HS6ST3: variants seen among roughly 807,000 people sequenced by gnomAD.
HS6ST3 encodes the protein heparan-sulfate 6-O-sulfotransferase 3.
A neutral mutation model predicts 36.7 loss-of-function variants in HS6ST3; 12 were observed. That is an observed-to-expected ratio of 0.33 (90% CI 0.21 to 0.53). The LOEUF is 0.53. Among genes scored for constraint, HS6ST3 ranks in the 20% least tolerant of loss-of-function variants. The pLI, the probability that HS6ST3 is intolerant of heterozygous loss-of-function variation, is 0.95. For synonymous variants in HS6ST3, 240 were observed against 257.5 expected, an observed-to-expected ratio of 0.93 and a Z score of 0.65; for missense variants, 584 against 640.9, an observed-to-expected ratio of 0.91 and a Z score of 0.96.
At chr13:96,712,351 G>C (rs944640688) in intron 1 of HS6ST3, among the ~76,000 whole-genome samples, 26 of 152,112 alleles carry the variant, frequency 1.7e-4, no homozygotes, top group Admixed American at 6.5e-5. Flanking sequence ...TAAGAATTTG[G>C]AATACCGGTA....
At chr13:96,317,820 A>G (rs1180640888) in intron 1 of HS6ST3, among the ~76,000 whole-genome samples, 3 of 151,854 alleles carry the variant, frequency 2.0e-5, no homozygotes. Context: ...ATTAATTATA[A>G]TGAGCATTTT....
At chr13:96,644,699 T>C (rs2056581853) in intron 1 of HS6ST3, among the ~76,000 whole-genome samples, 1 of 151,942 alleles carries the variant, frequency 6.6e-6, no homozygotes, top group South Asian at 2.1e-4. Context: ...ATATGAAAAT[T>C]AATAGCAGAA....
At chr13:96,168,651 G>C (rs2054172232) in intron 1 of HS6ST3, among the ~76,000 whole-genome samples, 1 of 150,600 alleles carries the variant, frequency 6.6e-6, no homozygotes, top group Non-Finnish European at 1.5e-5. Context: ...TAGTGAGCCG[G>C]GATCATGCTA....
At chr13:96,228,591 A>G (rs1178030432) in intron 1 of HS6ST3, among the ~76,000 whole-genome samples, 3 of 152,120 alleles carry the variant, frequency 2.0e-5, no homozygotes, top group African/African-American at 7.2e-5. Context: ...TTATTTTTTT[A>G]TGCAACCATC....
At chr13:96,363,234 G>A (rs74797595) in intron 1 of HS6ST3, among the ~76,000 whole-genome samples, 2,208 of 151,732 alleles carry the variant, frequency 0.015, 26 homozygotes, top group East Asian at 0.056. Context: ...TCCATTATAT[G>A]TATGCAGGAT....
At chr13:96,349,618 A>G (rs1301128805) in intron 1 of HS6ST3, among the ~76,000 whole-genome samples, 1 of 152,224 alleles carries the variant, frequency 6.6e-6, no homozygotes, top group Non-Finnish European at 1.5e-5. Context: ...TTAGCTTGCC[A>G]GTGATGTTTC....
intron 1 of HS6ST3, among the ~76,000 whole-genome samples, chr13:96,521,908 G>A (rs150715140): frequency 0.045 from 6,789 of 152,046 alleles, 206 homozygotes; most frequent in Middle Eastern, 0.075. Context: ...GAATTTGTTT[G>A]CTCTTGCTTC....
At chr13:96,277,380 T>C (rs2054753441) in intron 1 of HS6ST3, among the ~76,000 whole-genome samples, 1 of 152,212 alleles carries the variant, frequency 6.6e-6, no homozygotes, top group South Asian at 2.1e-4. Context: ...TCTCACCACT[T>C]CTATTATAAT....
intron 1 of HS6ST3, among the ~76,000 whole-genome samples, chr13:96,247,522 C>T (rs1402140460): frequency 6.6e-6 from 1 of 152,138 alleles, no homozygotes; most frequent in Non-Finnish European, 1.5e-5. Flanking sequence ...CTTGCTTCCT[C>T]TTTGCCTTCC....
chr13:96,334,540 G>C (rs1404771220), intron 1 of HS6ST3, among the ~76,000 whole-genome samples: 1 of 152,222 alleles, frequency 6.6e-6, no homozygotes, highest in Non-Finnish European at 1.5e-5. Flanking sequence ...AAGAAAAAGA[G>C]ATTTAATGAA....
At chr13:96,663,761 G>A (rs1352786578) in intron 1 of HS6ST3, among the ~76,000 whole-genome samples, 6 of 152,116 alleles carry the variant, frequency 3.9e-5, no homozygotes, top group Non-Finnish European at 8.8e-5. Context: ...ATTTTAAAAT[G>A]TGATATATCC....
intron 1 of HS6ST3, among the ~76,000 whole-genome samples, chr13:96,212,864 G>GT (rs2042451910): frequency 6.6e-6 from 1 of 152,086 alleles, no homozygotes; most frequent in African/African-American, 2.4e-5. Context: ...TCAAATAATA[G>GT]TATTTCATTT....
intron 1 of HS6ST3, among the ~76,000 whole-genome samples, chr13:96,629,717 C>A (rs2056525317): frequency 6.6e-6 from 1 of 151,892 alleles, no homozygotes; most frequent in African/African-American, 2.4e-5. Flanking sequence ...GTGTGGATTT[C>A]TTTTTATTTA....
chr13:96,443,819 A>G (rs969465376), intron 1 of HS6ST3, among the ~76,000 whole-genome samples: 2 of 152,138 alleles, frequency 1.3e-5, no homozygotes, highest in Admixed American at 6.5e-5. Context: ...CTTGTTATTC[A>G]TTTTCAGCTT....
chr13:96,627,639 T>C (rs1458217000), intron 1 of HS6ST3, among the ~76,000 whole-genome samples: 2 of 151,982 alleles, frequency 1.3e-5, no homozygotes, highest in Non-Finnish European at 2.9e-5. Context: ...TAAGACTCTC[T>C]ATGTAAAGTT....
rs531820910 is a variant in HS6ST3 at position 96,205,470 on chromosome 13, C to T, written c.707+113901C>T. ...GAAAAGAAGGGACTCCTCTCTGACT[C>T]ATTCTGTGAGGCTAGCATTATCCTA... On this transcript the variant is annotated intron_variant, in intron 1 of 1. Coordinates refer to ENST00000376705, the MANE Select transcript of HS6ST3 (RefSeq NM_153456.4). 1.1e-3 allele frequency among the ~76,000 whole-genome samples: 171 copies of T among 152,244 alleles called. 1 individual carries two copies. Among genetic ancestry groups the T allele is most frequent in the African/African-American group, 3.6e-3 (150 of 41,540 alleles).
At chr13:96,544,653 A>C (rs1594803732) in intron 1 of HS6ST3, among the ~76,000 whole-genome samples, 1 of 152,146 alleles carries the variant, frequency 6.6e-6, no homozygotes. Flanking sequence ...TTTGACCCAC[A>C]GTATGGAAAA....
intron 1 of HS6ST3, among the ~76,000 whole-genome samples, chr13:96,418,873 G>A (rs541844227): frequency 1.3e-5 from 2 of 152,262 alleles, no homozygotes; most frequent in Admixed American, 1.3e-4. Context: ...GAAACCTGCC[G>A]GCCTTAGCTT....
chr13:96,485,812 C>G (rs2055911258), intron 1 of HS6ST3, among the ~76,000 whole-genome samples: 1 of 152,130 alleles, frequency 6.6e-6, no homozygotes, highest in Non-Finnish European at 1.5e-5. Context: ...TGGTCTAGCT[C>G]ATGTAGGCTA....
Sources: gnomAD v4.1 joint callset for allele counts (sites outside exome capture counted in the v4.1 genomes callset) on GRCh38, gnomAD v4.1.1 for gene constraint, MANE v1.5 for transcripts, NCBI Gene and HGNC (gene_info 2026-07-23, HGNC 2026-07-21) for gene names.